Variants in PTK2 observed in about 807,000 individuals in gnomAD.
The protein encoded by PTK2 is protein tyrosine kinase 2.
Under a neutral mutation model 150.1 loss-of-function variants are expected in PTK2, and 45 were observed. The ratio of observed to expected loss-of-function variants is 0.30; its 90% CI spans 0.24 to 0.38. The LOEUF is 0.38. PTK2 is among the 10% of genes least tolerant of loss of function. The pLI, the probability that PTK2 is intolerant of heterozygous loss-of-function variation, is 1.00. For missense variants in PTK2, 919 were observed against 1,307.3 expected (o/e 0.70, Z 4.58); for synonymous variants, 432 against 449.2 (o/e 0.96, Z 0.48).
chr8:140,793,601 AC>A (rs1263663427), intron 12 of PTK2, among the ~76,000 whole-genome samples: 1 of 152,258 alleles, frequency 6.6e-6, no homozygotes, highest in Non-Finnish European at 1.5e-5. Flanking sequence ...TTTAAAGGGT[AC>A]TGCCTAATCA....
At chr8:140,832,818 G>A in intron 7 of PTK2, 1 of 518,690 alleles carries the variant, frequency 1.9e-6, no homozygotes, top group Admixed American at 1.9e-5. Context: ...ACAGACCCAT[G>A]GGCAAGGTGT....
intron 3 of PTK2, among the ~76,000 whole-genome samples, chr8:140,885,295 T>C (rs1008817526): frequency 2.0e-5 from 3 of 152,192 alleles, no homozygotes; most frequent in Admixed American, 1.3e-4. Context: ...CATATTTCTC[T>C]CAGAAATATT....
At chr8:140,804,069 A>G (rs1482642333) in intron 10 of PTK2, among the ~76,000 whole-genome samples, 1 of 152,186 alleles carries the variant, frequency 6.6e-6, no homozygotes, top group Non-Finnish European at 1.5e-5. Context: ...ATTAATCCCC[A>G]TGCACCCTGG....
At chr8:140,986,882 T>A (rs1226680079) in intron 1 of PTK2, among the ~76,000 whole-genome samples, 1 of 151,984 alleles carries the variant, frequency 6.6e-6, no homozygotes, top group East Asian at 1.9e-4. Context: ...GAAAATTAAA[T>A]CATAAACCTA....
chr8:140,866,519 C>T (rs1272536280), intron 4 of PTK2, among the ~76,000 whole-genome samples: 2 of 152,160 alleles, frequency 1.3e-5, no homozygotes, highest in Non-Finnish European at 2.9e-5. Flanking sequence ...TTGGGCCATG[C>T]CACTTATTCA....
chr8:140,675,851 A>T (rs756033320), intron 27 of PTK2: 17 of 178,558 alleles, frequency 9.5e-5, no homozygotes, highest in Non-Finnish European at 1.8e-4. Flanking sequence ...AAATAGAACT[A>T]CTTATCAAAG....
chr8:140,689,696 T>C (rs1187165412), intron 26 of PTK2, among the ~76,000 whole-genome samples: 1 of 152,212 alleles, frequency 6.6e-6, no homozygotes, highest in Admixed American at 6.5e-5. Context: ...AAATGGTATG[T>C]ACAAATATGC....
chr8:140,668,347 C>T (rs367873998), exon 30 of PTK2: 15 of 1,613,962 alleles, frequency 9.3e-6, no homozygotes, highest in East Asian at 4.5e-5. Context: ...TCACCAGGCC[C>T]GTCACATTCT....
chr8:140,759,354 T>C (rs1303118206), intron 16 of PTK2, among the ~76,000 whole-genome samples: 3 of 151,686 alleles, frequency 2.0e-5, no homozygotes, highest in South Asian at 2.1e-4. Context: ...GGCAACATCA[T>C]GGGACCCTGT....
intron 24 of PTK2, among the ~76,000 whole-genome samples, chr8:140,703,628 A>C (rs780215104): frequency 3.9e-5 from 6 of 152,106 alleles, no homozygotes; most frequent in Non-Finnish European, 4.4e-5. Flanking sequence ...ATACACAAAA[A>C]ATCCCCCAAA....
At chr8:140,719,972 G>A (rs1014676378) in intron 22 of PTK2, among the ~76,000 whole-genome samples, 2 of 151,128 alleles carry the variant, frequency 1.3e-5, no homozygotes, top group Admixed American at 6.6e-5. Context: ...GGACACAAAT[G>A]TTGTGATGAG....
chr8:140,727,414 A>G (rs927554285), intron 22 of PTK2, among the ~76,000 whole-genome samples: 3 of 151,924 alleles, frequency 2.0e-5, no homozygotes, highest in African/African-American at 7.3e-5. Flanking sequence ...TGCTGTGAAC[A>G]TTTTAACTGT....
chr8:140,876,388 T>C (rs1360436854), intron 4 of PTK2, among the ~76,000 whole-genome samples: 1 of 152,212 alleles, frequency 6.6e-6, no homozygotes, highest in African/African-American at 2.4e-5. Flanking sequence ...GAACATATTA[T>C]CCCACTATTT....
intron 22 of PTK2, among the ~76,000 whole-genome samples, chr8:140,726,542 A>T (rs1428893174): frequency 1.3e-5 from 2 of 152,192 alleles, no homozygotes; most frequent in African/African-American, 4.8e-5. Context: ...CAAAGTAACA[A>T]TTGTATGGCC....
rs535243782 is a variant in PTK2 at position 140,912,444 on chromosome 8, C to T, written c.-33+13217G>A. 6.6e-5 allele frequency among the ~76,000 whole-genome samples: 10 copies of T among 151,704 alleles called. No homozygotes were observed. In the South Asian group the frequency reaches 1.3e-3, roughly 19 times the overall value. On this transcript the variant is annotated intron_variant, in intron 2 of 31. Coordinates refer to ENST00000522684, the Ensembl canonical transcript of PTK2. ...AGGAGCTTGAGATCAGCCTGGGCAA[C>T]GTATTAACAGCAAGACCTCATTTCT... is the stretch of plus-strand genomic sequence containing the variant.
chr8:140,942,154 C>T (rs1237776979), intron 1 of PTK2, among the ~76,000 whole-genome samples: 1 of 152,194 alleles, frequency 6.6e-6, no homozygotes, highest in Non-Finnish European at 1.5e-5. Flanking sequence ...GTTGGGATTA[C>T]AGGCATGAAC....
At chr8:140,735,539 C>A in intron 21 of PTK2, 84 bp from the exon 25 acceptor site, 1 of 1,367,932 alleles carries the variant, frequency 7.3e-7, no homozygotes. Context: ...TTCTTCTAGG[C>A]ACTCGAGTAC....
At chr8:140,711,411 C>G (rs1190550718) in intron 23 of PTK2, among the ~76,000 whole-genome samples, 2 of 152,124 alleles carry the variant, frequency 1.3e-5, no homozygotes, top group African/African-American at 4.8e-5. Context: ...CCGGCCCCCG[C>G]AGGACTTTCT....
intron 2 of PTK2, among the ~76,000 whole-genome samples, chr8:140,916,834 T>C (rs72685769): frequency 0.13 from 19,404 of 152,250 alleles, 1,949 homozygotes; most frequent in East Asian, 0.46. Context: ...TGCTCTGCCT[T>C]TTATTTTAGC....
Sources: allele counts gnomAD v4.1 joint callset (sites outside exome capture counted in the v4.1 genomes callset), GRCh38; gene constraint gnomAD v4.1.1; transcripts MANE v1.5; gene names NCBI Gene and HGNC (gene_info 2026-07-23, HGNC 2026-07-21).